Variants in TBC1D5 observed in about 807,000 individuals in gnomAD.
The protein encoded by TBC1D5 is TBC1 domain family, member 5.
TBC1D5 carries 75 observed loss-of-function variants against 100.3 expected under a neutral mutation model. That is an observed-to-expected ratio of 0.75 (90% CI 0.62 to 0.91). TBC1D5 has a LOEUF of 0.91. Ranked by LOEUF, TBC1D5 falls within the 40% of genes least tolerant of loss-of-function variation. The pLI is 0.00. For synonymous variants in TBC1D5, 323 were observed against 325.6 expected, an observed-to-expected ratio of 0.99 and a Z score of 0.09; for missense variants, 910 against 942.4, an observed-to-expected ratio of 0.97 and a Z score of 0.45.
chr3:17,331,762 G>A (rs1360478960), intron 13 of TBC1D5, among the ~76,000 whole-genome samples: 2 of 152,160 alleles, frequency 1.3e-5, no homozygotes, highest in Non-Finnish European at 1.5e-5. Flanking sequence ...CAAAGTGAGG[G>A]AACAAGCCAT....
intron 2 of TBC1D5, among the ~76,000 whole-genome samples, chr3:17,617,630 C>A (rs892242812): frequency 6.6e-6 from 1 of 152,162 alleles, no homozygotes; most frequent in Non-Finnish European, 1.5e-5. Flanking sequence ...TGTCTTCTCG[C>A]TTTATTTCAT....
At chr3:17,325,372 G>C (rs2085964020) in intron 13 of TBC1D5, among the ~76,000 whole-genome samples, 1 of 149,850 alleles carries the variant, frequency 6.7e-6, no homozygotes, top group South Asian at 2.1e-4. Flanking sequence ...GCCCAGGCTG[G>C]AGTGCAATGG....
intron 2 of TBC1D5, among the ~76,000 whole-genome samples, chr3:17,514,090 T>C (rs1436271368): frequency 6.6e-6 from 1 of 152,130 alleles, no homozygotes; most frequent in Non-Finnish European, 1.5e-5. Context: ...GAGTAAAGTT[T>C]TATTTTTAAA....
At chr3:17,455,524 A>ATG (rs1292696837) in intron 3 of TBC1D5, among the ~76,000 whole-genome samples, 28 of 113,528 alleles carry the variant, frequency 2.5e-4, no homozygotes, top group African/African-American at 7.7e-4. Context: ...ATATATATAT[A>ATG]TATATATGTG....
chr3:17,626,215 A>C (rs2063042371), intron 1 of TBC1D5, among the ~76,000 whole-genome samples: 2 of 152,068 alleles, frequency 1.3e-5, no homozygotes, highest in African/African-American at 4.8e-5. Flanking sequence ...CTGATTGTCA[A>C]AAAAAATGAC....
At chr3:17,474,447 A>G (rs535452057) in intron 3 of TBC1D5, among the ~76,000 whole-genome samples, 10 of 152,156 alleles carry the variant, frequency 6.6e-5, no homozygotes, top group African/African-American at 9.6e-5. Context: ...GTGATTTATT[A>G]TAAGTTTTCT....
chr3:17,383,175 T>C (rs2093018718), intron 9 of TBC1D5, among the ~76,000 whole-genome samples: 1 of 151,940 alleles, frequency 6.6e-6, no homozygotes, highest in Non-Finnish European at 1.5e-5. Flanking sequence ...TGTTTTCTAT[T>C]ATATTAAATT....
In TBC1D5 at chr3:17,385,692, GT is replaced by G. The variant is rs137886602; in HGVS notation, c.510-1678del. On this transcript the variant is annotated intron_variant, in intron 8 of 21. Transcript: ENST00000253692. ...ACTGCCCAGACAGGTTTGGTTTTTT[GT>G]TTTTTTTTTCCTACCTTTTCTGTGG... Among the ~76,000 whole-genome samples, 16 of 147,298 alleles carry G rather than the reference GT, an allele frequency of 1.1e-4. No individual in the cohort carries two copies. The East Asian group carries it at 2.2e-3, about 20-fold the overall frequency.
In TBC1D5 at chr3:17,733,182, C is replaced by T. The variant is rs531687413; in HGVS notation, c.-101+6161G>A. On this transcript the variant is annotated intron_variant, in intron 1 of 21. Transcript: ENST00000253692. ...AAAGAAGAGTTCATACTAGGTGCTT[C>T]CCCATTCCTACCTCTCCCGTTCTGT... Among the ~76,000 whole-genome samples the T allele has an allele frequency of 5.3e-5, 8 of 152,298 alleles. No individual in the cohort carries two copies. The South Asian group carries it at 1.7e-3, about 32-fold the overall frequency.
At chr3:17,668,026 T>C (rs567193614) in intron 1 of TBC1D5, among the ~76,000 whole-genome samples, 23 of 151,678 alleles carry the variant, frequency 1.5e-4, no homozygotes, top group Admixed American at 5.2e-4. Context: ...CTGTGTTATA[T>C]TCTATTAAAA....
chr3:17,487,800 T>A (rs2095589072), intron 3 of TBC1D5, among the ~76,000 whole-genome samples: 1 of 152,150 alleles, frequency 6.6e-6, no homozygotes, highest in Non-Finnish European at 1.5e-5. Context: ...CCTGGGATCT[T>A]GGATTCTTTT....
At chr3:17,705,056 C>T (rs2073866083) in intron 1 of TBC1D5, among the ~76,000 whole-genome samples, 1 of 132,624 alleles carries the variant, frequency 7.5e-6, no homozygotes, top group Admixed American at 7.6e-5. Context: ...GGGGGCTGAC[C>T]CCCCCACCTC....
chr3:17,251,049 G>C (rs1322301697), intron 16 of TBC1D5, among the ~76,000 whole-genome samples: 1 of 152,160 alleles, frequency 6.6e-6, no homozygotes, highest in Non-Finnish European at 1.5e-5. Context: ...GCAAGCACTG[G>C]TAAAAGTGCC....
At chr3:17,498,889 C>T (rs944276286) in intron 3 of TBC1D5, among the ~76,000 whole-genome samples, 2 of 152,010 alleles carry the variant, frequency 1.3e-5, no homozygotes, top group East Asian at 3.9e-4. Flanking sequence ...AAAAAAAATG[C>T]TCCTGGCTGT....
At chr3:17,490,691 G>T (rs920245637) in intron 3 of TBC1D5, among the ~76,000 whole-genome samples, 1 of 152,178 alleles carries the variant, frequency 6.6e-6, no homozygotes, top group South Asian at 2.1e-4. Context: ...TTTTGTACCA[G>T]TACCATGCTG....
At chr3:17,173,485 C>A (rs1477654566) in intron 19 of TBC1D5, among the ~76,000 whole-genome samples, 1 of 152,130 alleles carries the variant, frequency 6.6e-6, no homozygotes, top group East Asian at 1.9e-4. Context: ...TACCAAAGGG[C>A]TTGGGTTTTG....
At chr3:17,370,494 C>T (rs2092397497) in intron 13 of TBC1D5, among the ~76,000 whole-genome samples, 1 of 152,138 alleles carries the variant, frequency 6.6e-6, no homozygotes, top group Non-Finnish European at 1.5e-5. Context: ...ATGTACATAG[C>T]AATTCATTAA....
intron 21 of TBC1D5, among the ~76,000 whole-genome samples, chr3:17,161,583 T>C (rs778001736): frequency 7.7e-4 from 118 of 152,312 alleles, no homozygotes; most frequent in Admixed American, 1.8e-3. Flanking sequence ...GGCCAATAGG[T>C]TGCAGGCAGA....
intron 1 of TBC1D5, among the ~76,000 whole-genome samples, chr3:17,658,919 A>G (rs756501785): frequency 8.5e-5 from 13 of 152,162 alleles, no homozygotes; most frequent in South Asian, 2.1e-4. Context: ...CGGCCTCCCA[A>G]ACTGCTGGGA....
Sources: gnomAD v4.1 joint callset for allele counts (sites outside exome capture counted in the v4.1 genomes callset) on GRCh38, gnomAD v4.1.1 for gene constraint, MANE v1.5 for transcripts, NCBI Gene and HGNC (gene_info 2026-07-23, HGNC 2026-07-21) for gene names.